The following HEATR5B variants were observed in gnomAD, a reference collection of about 807,000 sequenced individuals.
HEATR5B encodes the protein HEAT repeat containing 5B.
In HEATR5B, 156 loss-of-function variants were observed where a neutral mutation model predicts 224.1. The ratio of observed to expected loss-of-function variants is 0.70; its 90% CI spans 0.61 to 0.80. The LOEUF (loss-of-function observed/expected upper bound fraction) is 0.80, where lower values mean the gene tolerates loss of function less well. HEATR5B is among the 30% of genes least tolerant of loss of function. HEATR5B has a pLI of 0.00. For synonymous variants in HEATR5B, 1,027 were observed against 893.0 expected (o/e 1.15, Z -2.68); for missense variants, 2,323 against 2,535.5 (o/e 0.92, Z 1.80).
intron 16 of HEATR5B, chr2:37,055,126 C>T: frequency 5.0e-6 from 2 of 396,312 alleles, no homozygotes. Flanking sequence ...AGCCGCACAG[C>T]CTGCTGGTTG....
At chr2:37,022,177 T>C (rs1021886317) in intron 24 of HEATR5B, among the ~76,000 whole-genome samples, 1 of 145,294 alleles carries the variant, frequency 6.9e-6, no homozygotes, top group African/African-American at 2.4e-5. Context: ...ATTATCTCTT[T>C]TTATCATTTT....
At chr2:37,001,603 T>A (rs2541004) in intron 32 of HEATR5B, among the ~76,000 whole-genome samples, 1 of 151,248 alleles carries the variant, frequency 6.6e-6, no homozygotes, top group South Asian at 2.1e-4. Context: ...TACACTAACA[T>A]TAACAACAGC....
chr2:36,997,855 C>G (rs1455217452), intron 33 of HEATR5B, among the ~76,000 whole-genome samples: 1 of 152,092 alleles, frequency 6.6e-6, no homozygotes, highest in Admixed American at 6.5e-5. Context: ...CGTGAGCCAC[C>G]ACGCCGACCA....
intron 26 of HEATR5B, among the ~76,000 whole-genome samples, chr2:37,014,289 G>C (rs1222265853): frequency 6.6e-6 from 1 of 151,754 alleles, no homozygotes; most frequent in Non-Finnish European, 1.5e-5. Flanking sequence ...AGCCTCCCAA[G>C]TAGCTGGGAC....
At chr2:37,034,528 G>A (rs1241146928) in intron 21 of HEATR5B, among the ~76,000 whole-genome samples, 1 of 142,728 alleles carries the variant, frequency 7.0e-6, no homozygotes, top group Non-Finnish European at 1.5e-5. Context: ...CAGGAGAATG[G>A]CGTGAACCCG....
chr2:37,080,197 G>A (rs1337293901), intron 2 of HEATR5B, among the ~76,000 whole-genome samples: 1 of 152,094 alleles, frequency 6.6e-6, no homozygotes, highest in African/African-American at 2.4e-5. Flanking sequence ...GGATAGAAGG[G>A]ACCACATCAG....
rs1394338239 is a variant in HEATR5B, at chr2:37,008,669, T to A, written c.4464A>T (p.Leu1488Phe). ...GTAAAGTCAAGAGTGCATAATCTTT[T>A]AATGCTGCTAACCACAGGCGACTGA... The part of the protein sequence containing the change: ...PTLSRLWLAA[L>F]KDYALLTLPA... The change falls in exon 28 of 36, where the codon TTA (leucine) becomes TTT (phenylalanine). Residue 1488 changes from leucine to phenylalanine, a missense_variant. This residue lies in a region of HEATR5B where 844 missense variants were observed against 812.9 expected (regional missense o/e 1.04). Transcript: ENST00000233099. 3 of 1,614,092 alleles carry A rather than the reference T, an allele frequency of 1.9e-6. No homozygotes were observed. Among genetic ancestry groups the A allele is most frequent in the Non-Finnish European group, 2.5e-6 (3 of 1,180,048 alleles).
In HEATR5B at chr2:37,075,487, T is replaced by C. The variant is rs1349297448; in HGVS notation, c.595A>G (p.Lys199Glu). ...RSMAVRCAVA[K>E]CLLELQNEAV... is the part of the protein sequence containing the mutation. ...TTCTAAATTGGTCGAGTACTAACCT[T>C]GGCCACTGCACATCGAACAGCCATT... The change falls in exon 5 of 36, where the codon AAG becomes GAG. Residue 199 changes from lysine to glutamate, a missense_variant and splice_region_variant. Physicochemically the swap from Lys to Glu is moderately conservative, Grantham distance 56. This residue lies in a region of HEATR5B where 292 missense variants were observed against 332.6 expected (regional missense o/e 0.88). Coordinates refer to ENST00000233099, the MANE Select transcript of HEATR5B (RefSeq NM_019024.3). The C allele has an allele frequency of 1.9e-6, 3 of 1,611,372 alleles. No individual in the cohort carries two copies. The highest frequency in any genetic ancestry group is 2.5e-6 in the Non-Finnish European group (3 of 1,178,618).
Position 37,013,943 on chromosome 2 carries a change from A to G in HEATR5B, c.4182T>C (p.Ser1394=), listed in dbSNP as rs1667952215. 1 of 1,613,162 alleles carries G rather than the reference A, an allele frequency of 6.2e-7. No individual in the cohort carries two copies. The highest frequency in any genetic ancestry group is 1.7e-5 in the Admixed American group (1 of 59,904). ...DLRRVHNLLV[S]SLDKVQAGKG... Reference sequence around the variant, plus strand: ...TTCCAGCCTGAACTTTGTCCAGAGAAGAAACAAGAAGATTGTGTACTCGAC... The same window carrying G: ...TTCCAGCCTGAACTTTGTCCAGAGAGGAAACAAGAAGATTGTGTACTCGAC... Residue 1394 remains serine (S), a synonymous_variant, in exon 27 of 36, where the codon TCT becomes TCC. Coordinates refer to ENST00000233099, the MANE Select transcript of HEATR5B (RefSeq NM_019024.3).
intron 26 of HEATR5B, among the ~76,000 whole-genome samples, chr2:37,015,745 A>C (rs140734937): frequency 9.7e-4 from 148 of 152,332 alleles, no homozygotes; most frequent in Admixed American, 1.6e-3. Flanking sequence ...TGCCACTAAG[A>C]GACTTGTGGA....
At chr2:37,059,546 C>T (rs1298098360) in intron 12 of HEATR5B, among the ~76,000 whole-genome samples, 1 of 144,836 alleles carries the variant, frequency 6.9e-6, no homozygotes, top group Non-Finnish European at 1.5e-5. Flanking sequence ...TCACTGCAAC[C>T]TCCACGTCCT....
intron 17 of HEATR5B, among the ~76,000 whole-genome samples, chr2:37,051,765 A>G (rs1328747638): frequency 6.6e-6 from 1 of 151,836 alleles, no homozygotes; most frequent in Non-Finnish European, 1.5e-5. Context: ...TCTGAGACAG[A>G]GTCTTGCTCT....
chr2:37,049,792 C>T lies in HEATR5B; in HGVS notation c.2557G>A (p.Ala853Thr), dbSNP rs1277274771. ...AGAGGACCCATAACCAGTGTCAGGG[C>T]AGATTTACGAACTTCCTCAGGTCCT... The part of the protein sequence containing the change: ...TLGPEEVRKS[A>T]LTLVMGPLDN... The change falls in exon 18 of 36, where the codon GCC becomes ACC. Residue 853 changes from alanine to threonine, a missense_variant. Physicochemically the swap from Ala to Thr is moderately conservative, Grantham distance 58 (BLOSUM62 0). Transcript: ENST00000233099. 6.2e-7 allele frequency: 1 copy of T among 1,600,678 alleles called. No homozygotes were observed. The highest frequency in any genetic ancestry group is 1.7e-5 in the Admixed American group (1 of 58,282).
intron 27 of HEATR5B, among the ~76,000 whole-genome samples, chr2:37,012,399 T>C (rs1298392298): frequency 6.6e-6 from 1 of 152,186 alleles, no homozygotes; most frequent in African/African-American, 2.4e-5. Context: ...ATTAAATTTT[T>C]TTTTTTTGAG....
chr2:36,987,236 T>C (rs114739161), intron 35 of HEATR5B, among the ~76,000 whole-genome samples: 5,051 of 152,014 alleles, frequency 0.033, 98 homozygotes, highest in African/African-American at 0.044. Context: ...CAAGACCAAC[T>C]TGGCCAAGGT....
At chr2:37,014,400 G>T (rs941121787) in intron 26 of HEATR5B, among the ~76,000 whole-genome samples, 7 of 150,908 alleles carry the variant, frequency 4.6e-5, no homozygotes, top group Non-Finnish European at 8.8e-5. Context: ...CTGACCTCGT[G>T]ATCTGCCTGC....
chr2:37,058,396 CGGTG>C, intron 14 of HEATR5B, 51 bp downstream of exon 14: 1 of 979,880 alleles, frequency 1.0e-6, no homozygotes, highest in East Asian at 2.4e-5. Context: ...CTCTATAATA[CGGTG>C]AAGAATTGTA....
chr2:36,990,818 A>G lies in HEATR5B; in HGVS notation c.5546-19T>C. ...GAGTCTTCTGAAAATGAAAAATGAA[A>G]GAAGTGTGCTGTTTCTAAAACATTT... On this transcript the variant is annotated intron_variant, in intron 33 of 35. Transcript: ENST00000233099. The G allele has an allele frequency of 6.5e-7, 1 of 1,537,448 alleles. No individual in the cohort carries two copies. Among genetic ancestry groups the G allele is most frequent in the Non-Finnish European group, 8.8e-7 (1 of 1,140,184 alleles).
intron 24 of HEATR5B, among the ~76,000 whole-genome samples, chr2:37,027,438 C>T (rs1478539614): frequency 6.6e-6 from 1 of 152,064 alleles, no homozygotes; most frequent in Non-Finnish European, 1.5e-5. Flanking sequence ...AAAATTGTTT[C>T]CATAATAAAC....
Sources: allele counts gnomAD v4.1 joint callset (sites outside exome capture counted in the v4.1 genomes callset), GRCh38; gene constraint gnomAD v4.1.1; regional missense constraint gnomAD v4.1.1; transcripts MANE v1.5; gene names NCBI Gene and HGNC (gene_info 2026-07-23, HGNC 2026-07-21).